Variants in CHPT1 observed in about 807,000 individuals in gnomAD.
CHPT1 encodes the protein cholinephosphotransferase 1.
Under a neutral mutation model 47.6 loss-of-function variants are expected in CHPT1, and 36 were observed. The observed-to-expected ratio is 0.76, with a 90% confidence interval of 0.58 to 1.00. CHPT1 has a LOEUF of 1.00. Ranked by LOEUF, CHPT1 falls within the 50% of genes least tolerant of loss-of-function variation. CHPT1 has a pLI of 0.00. For missense variants in CHPT1, 458 were observed against 498.1 expected (o/e 0.92, Z 0.77); for synonymous variants, 194 against 186.3 (o/e 1.04, Z -0.33).
chr12:101,714,825 G>T, intron 3 of CHPT1, 180 bp downstream of exon 3: 2 of 450,446 alleles, frequency 4.4e-6, no homozygotes, highest in South Asian at 6.7e-5. Flanking sequence ...GTTATAAATA[G>T]TTACATTATT....
At position 101,709,743 on chromosome 12, in the gene CHPT1, G is replaced by C. The variant is rs1951681230; in HGVS notation, c.274-4347G>C. Among the ~76,000 whole-genome samples, 2 of 148,732 alleles carry C rather than the reference G, an allele frequency of 1.3e-5. 1 individual carries two copies. The highest frequency in any genetic ancestry group is 4.3e-4 in the South Asian group (2 of 4,660). On this transcript the variant is annotated intron_variant, in intron 1 of 8. Transcript: ENST00000229266. ...TCTTGTGGCTGGCACCATTTCCTGTGGCTCACTGCTACTTGAAAGTGTATT... is the reference window on the plus strand; with the variant it reads ...TCTTGTGGCTGGCACCATTTCCTGTCGCTCACTGCTACTTGAAAGTGTATT...
Position 101,710,821 on chromosome 12 carries a change from A to G in CHPT1, c.274-3269A>G, listed in dbSNP as rs754309266. 1.1e-4 allele frequency among the ~76,000 whole-genome samples: 16 copies of G among 148,936 alleles called. 1 individual carries two copies. The highest frequency in any genetic ancestry group is 2.1e-4 in the Non-Finnish European group (14 of 66,524). ...GAGAAGATCCAGATTTTCAGTATAA[A>G]GAGTTACATAGAGAAATGGAAGATC... On this transcript the variant is annotated intron_variant, in intron 1 of 8. Coordinates refer to ENST00000229266, the MANE Select transcript of CHPT1 (RefSeq NM_020244.3).
At chr12:101,718,893 C>T (rs1274311057) in intron 4 of CHPT1, among the ~76,000 whole-genome samples, 1 of 151,750 alleles carries the variant, frequency 6.6e-6, no homozygotes, top group Non-Finnish European at 1.5e-5. Flanking sequence ...TTTGTAGTAA[C>T]TGTTCAGGTT....
intron 7 of CHPT1, among the ~76,000 whole-genome samples, chr12:101,724,208 G>C (rs1951905196): frequency 7.0e-6 from 1 of 142,466 alleles, no homozygotes; most frequent in African/African-American, 2.6e-5. Flanking sequence ...GACACAGCGA[G>C]ACTGTGTCTC....
chr12:101,708,681 C>T (rs767928723), intron 1 of CHPT1, among the ~76,000 whole-genome samples: 6 of 150,024 alleles, frequency 4.0e-5, no homozygotes, highest in Non-Finnish European at 7.5e-5. Context: ...ACTTCAACCT[C>T]TGCCTCCTGG....
At position 101,714,578 on chromosome 12, in the gene CHPT1, A is replaced by G. The variant is rs1951738271; in HGVS notation, c.496A>G (p.Ile166Val). ...TGACTGGTTTTTTTTCTGCTCTTTT[A>G]TTGGGATGTTTGTGTTTTATTGCGC... ...YPDWFFFCSFIGMFVFYCAHW... is the reference protein window; with the variant it reads ...YPDWFFFCSFVGMFVFYCAHW... The change falls in exon 3 of 9, where the codon ATT becomes GTT. Residue 166 changes from isoleucine (I) to valine (V), a missense_variant. Physicochemically the swap from Ile to Val is conservative, Grantham distance 29. Coordinates refer to ENST00000229266, the MANE Select transcript of CHPT1 (RefSeq NM_020244.3). 1 of 1,611,822 alleles carries G rather than the reference A, an allele frequency of 6.2e-7. No homozygotes were observed. Among genetic ancestry groups the G allele is most frequent in the Non-Finnish European group, 8.5e-7 (1 of 1,179,108 alleles).
chr12:101,725,879 A>G (rs978851847), intron 7 of CHPT1, among the ~76,000 whole-genome samples: 1 of 152,176 alleles, frequency 6.6e-6, no homozygotes, highest in African/African-American at 2.4e-5. Context: ...TATCTTTTCT[A>G]GACCTTTTAC....
chr12:101,714,495 T>C lies in CHPT1; in HGVS notation c.422-9T>C, dbSNP rs770824885. 6.3e-7 allele frequency: 1 copy of C among 1,589,278 alleles called. No homozygotes were observed. The highest frequency in any genetic ancestry group is 8.5e-7 in the Non-Finnish European group (1 of 1,172,560). ...ATTCTTAATGATTCTTAAACTTTGT[T>C]TCTTTCAGTATTTATGGCAGTGGGA... On this transcript the variant is annotated splice_polypyrimidine_tract_variant and intron_variant, in intron 2 of 8. Coordinates refer to ENST00000229266, the MANE Select transcript of CHPT1 (RefSeq NM_020244.3).
intron 4 of CHPT1, 168 bp from the exon 5 acceptor site, chr12:101,719,955 T>TA (rs373091905): frequency 3.7e-5 from 11 of 300,858 alleles, no homozygotes; most frequent in African/African-American, 2.0e-4. Flanking sequence ...AAAAAAAAGT[T>TA]AAAAAAAAGT....
intron 1 of CHPT1, among the ~76,000 whole-genome samples, chr12:101,698,399 C>T (rs1478333869): frequency 6.6e-6 from 1 of 152,228 alleles, no homozygotes; most frequent in Non-Finnish European, 1.5e-5. Context: ...CCGCGCAGAT[C>T]CTCCCCACGG....
chr12:101,714,545 A>G lies in CHPT1; in HGVS notation c.463A>G (p.Thr155Ala), dbSNP rs1245680490. 1 of 1,612,208 alleles carries G rather than the reference A, an allele frequency of 6.2e-7. No homozygotes were observed. The highest frequency in any genetic ancestry group is 8.5e-7 in the Non-Finnish European group (1 of 1,179,268). The change falls in exon 3 of 9, where the codon ACT (threonine) becomes GCT (alanine). Residue 155 changes from threonine to alanine, a missense_variant. Physicochemically the swap from Thr to Ala is moderately conservative, Grantham distance 58. Transcript: ENST00000229266. ...VGASIAARLG[T>A]YPDWFFFCSF... ...AGCTTCAATTGCCGCTCGCTTAGGA[A>G]CTTATCCTGACTGGTTTTTTTTCTG...
rs1302071991 is a variant in CHPT1, at chr12:101,698,061, C to T, written c.200C>T (p.Thr67Ile). ...IPLWMAPNSI[T>I]LLGLAVNVVT... The stretch of plus-strand genomic sequence containing the variant: ...CTCTGGATGGCCCCCAACTCCATCA[C>T]CCTGCTGGGGCTCGCCGTCAACGTG... The change falls in exon 1 of 9, where the codon ACC (threonine) becomes ATC (isoleucine). Residue 67 changes from threonine (T) to isoleucine (I), a missense_variant. Thr to Ile is a moderately conservative substitution (Grantham distance 89, BLOSUM62 -1). Transcript: ENST00000229266. The T allele has an allele frequency of 1.9e-6, 3 of 1,573,844 alleles. No homozygotes were observed. Among genetic ancestry groups the T allele is most frequent in the Admixed American group, 1.7e-5 (1 of 57,158 alleles).
chr12:101,702,642 G>T (rs1951570410), intron 1 of CHPT1, among the ~76,000 whole-genome samples: 1 of 151,302 alleles, frequency 6.6e-6, no homozygotes, highest in South Asian at 2.1e-4. Context: ...TTCCTACTCA[G>T]ACTTTTTTTT....
rs1951489785 is a variant in CHPT1 at position 101,698,038 on chromosome 12, C to G, written c.177C>G (p.Leu59=). Residue 59 remains leucine, a synonymous_variant, in exon 1 of 9, where the codon CTC becomes CTG. Transcript: ENST00000229266. Reference sequence around the variant, plus strand: ...CCTGGCTGCTCCAGTGGATCCCGCTCTGGATGGCCCCCAACTCCATCACCC... The same window carrying G: ...CCTGGCTGCTCCAGTGGATCCCGCTGTGGATGGCCCCCAACTCCATCACCC... ...YWTWLLQWIP[L]WMAPNSITLL... 4 of 1,581,130 alleles carry G rather than the reference C, an allele frequency of 2.5e-6. No homozygotes were observed. The highest frequency in any genetic ancestry group is 3.4e-6 in the Non-Finnish European group (4 of 1,172,068).
At chr12:101,698,262 C>A in intron 1 of CHPT1, 128 bp downstream of exon 1, 8 of 1,297,308 alleles carry the variant, frequency 6.2e-6, no homozygotes, top group Non-Finnish European at 7.9e-6. Context: ...GGACTGGCCA[C>A]TGCCCCGGGC....
chr12:101,723,266 T>C lies in CHPT1; in HGVS notation c.879T>C (p.His293=), dbSNP rs758531261. 3.7e-6 allele frequency: 6 copies of C among 1,612,586 alleles called. No individual in the cohort carries two copies. The African/African-American group carries it at 4.0e-5, about 11-fold the overall frequency. ...CAGCAACTGATGTGTTTGAAAAGCA[T>C]CCTTGTCTTTATATCCTAATGTTTG... ...KKSATDVFEK[H]PCLYILMFGC... The change falls in exon 6 of 9, where the codon CAT becomes CAC. Residue 293 remains histidine (H), a synonymous_variant. Transcript: ENST00000229266.
At chr12:101,714,707 TATGTC>T (rs754214329) in intron 3 of CHPT1, 62 bp downstream of exon 3, 43 of 1,491,860 alleles carry the variant, frequency 2.9e-5, no homozygotes, top group East Asian at 2.8e-4. Context: ...CACAATCTGT[TATGTC>T]ATTCATCGAT....
chr12:101,703,258 C>CA (rs1951579776), intron 1 of CHPT1, among the ~76,000 whole-genome samples: 1 of 152,192 alleles, frequency 6.6e-6, no homozygotes, highest in Admixed American at 6.5e-5. Flanking sequence ...ATTCTCTTCA[C>CA]ACCCCTCTCT....
intron 5 of CHPT1, among the ~76,000 whole-genome samples, 193 bp downstream of exon 5, chr12:101,720,447 C>T (rs1951831805): frequency 6.6e-6 from 1 of 152,212 alleles, no homozygotes; most frequent in Non-Finnish European, 1.5e-5. Flanking sequence ...TTTCTACAAG[C>T]TTGCTCTGCA....
Sources: allele counts gnomAD v4.1 joint callset (sites outside exome capture counted in the v4.1 genomes callset), GRCh38; gene constraint gnomAD v4.1.1; transcripts MANE v1.5; gene names NCBI Gene and HGNC (gene_info 2026-07-23, HGNC 2026-07-21).